Variants in XKR9 observed in about 807,000 individuals in gnomAD.
XKR9 encodes the protein XK-related protein 9.
Under a neutral mutation model 32.0 loss-of-function variants are expected in XKR9, and 32 were observed. That is an observed-to-expected ratio of 1.00 (90% CI 0.76 to 1.34). The LOEUF (loss-of-function observed/expected upper bound fraction) is 1.34, where lower values mean the gene tolerates loss of function less well. Among genes scored for constraint, XKR9 ranks in the 40% most tolerant of loss-of-function variants. XKR9 has a pLI of 0.00. For missense variants in XKR9, 546 were observed against 429.7 expected (o/e 1.27, Z -2.39); for synonymous variants, 168 against 143.4 (o/e 1.17, Z -1.22).
At chr8:70,690,428 C>T (rs1475491492) in intron 3 of XKR9, among the ~76,000 whole-genome samples, 3 of 151,814 alleles carry the variant, frequency 2.0e-5, no homozygotes, top group Non-Finnish European at 4.4e-5. Flanking sequence ...CTCCCAGGTT[C>T]GAGCAATTCT....
At chr8:70,986,551 A>G in the XKR9 span, among the ~76,000 whole-genome samples, 2 of 152,162 alleles carry the variant, frequency 1.3e-5, no homozygotes, top group African/African-American at 4.8e-5. Context: ...AGACTTCAAA[A>G]TAGGAGACAT....
intron 2 of XKR9, among the ~76,000 whole-genome samples, chr8:70,758,591 T>C (rs1281048192): frequency 6.6e-6 from 1 of 152,204 alleles, no homozygotes; most frequent in Non-Finnish European, 1.5e-5. Flanking sequence ...GAATCAGAGA[T>C]GCTCTGGAAG....
intron 4 of XKR9, among the ~76,000 whole-genome samples, chr8:70,733,456 T>G (rs1280297769): frequency 6.6e-6 from 1 of 152,082 alleles, no homozygotes; most frequent in Non-Finnish European, 1.5e-5. Context: ...GAGTATGCTT[T>G]TTTCAGTATA....
the XKR9 span, among the ~76,000 whole-genome samples, chr8:70,914,125 C>G: frequency 6.6e-6 from 1 of 152,126 alleles, no homozygotes; most frequent in Non-Finnish European, 1.5e-5. Context: ...AATGCAGTGG[C>G]ATGATCATAG....
At chr8:70,957,241 T>A in the XKR9 span, among the ~76,000 whole-genome samples, 4 of 152,212 alleles carry the variant, frequency 2.6e-5, no homozygotes, top group African/African-American at 9.6e-5. Context: ...GGAGAACAAA[T>A]CATAGAGGTG....
the XKR9 span, among the ~76,000 whole-genome samples, chr8:71,003,858 G>C: frequency 1.3e-5 from 2 of 152,178 alleles, no homozygotes; most frequent in Non-Finnish European, 2.9e-5. Flanking sequence ...GTCCTCAGGA[G>C]TATTTCCTAG....
At chr8:70,872,571 C>A in the XKR9 span, among the ~76,000 whole-genome samples, 2 of 152,178 alleles carry the variant, frequency 1.3e-5, no homozygotes, top group Non-Finnish European at 2.9e-5. Flanking sequence ...AAGATAGCTT[C>A]TAGGACTTTC....
chr8:70,795,513 G>A, the XKR9 span, among the ~76,000 whole-genome samples: 3 of 152,118 alleles, frequency 2.0e-5, no homozygotes, highest in African/African-American at 7.2e-5. Flanking sequence ...TGGAATTGCT[G>A]GATCACATGG....
chr8:70,844,187 A>T, the XKR9 span, among the ~76,000 whole-genome samples: 1 of 152,204 alleles, frequency 6.6e-6, no homozygotes, highest in Non-Finnish European at 1.5e-5. Flanking sequence ...CAGCAGTAGG[A>T]CAAGCTATGC....
chr8:70,806,663 T>A, the XKR9 span, among the ~76,000 whole-genome samples: 3 of 151,842 alleles, frequency 2.0e-5, no homozygotes, highest in African/African-American at 7.3e-5. Context: ...GAAGAAAGGA[T>A]ATCAGAGTTT....
chr8:70,835,894 TC>T, the XKR9 span, among the ~76,000 whole-genome samples: 1 of 152,086 alleles, frequency 6.6e-6, no homozygotes, highest in Non-Finnish European at 1.5e-5. Flanking sequence ...GCTAATATTT[TC>T]ATTTATTTTG....
the XKR9 span, among the ~76,000 whole-genome samples, chr8:70,993,490 C>T: frequency 1.3e-5 from 2 of 152,124 alleles, no homozygotes; most frequent in African/African-American, 4.8e-5. Context: ...TAGCCAGAGT[C>T]ATATTTAGCT....
At chr8:70,922,424 C>A in the XKR9 span, among the ~76,000 whole-genome samples, 1 of 152,098 alleles carries the variant, frequency 6.6e-6, no homozygotes, top group Non-Finnish European at 1.5e-5. Context: ...ATTTCCAATC[C>A]CCTTTTGGGG....
At chr8:70,971,588 G>T in the XKR9 span, among the ~76,000 whole-genome samples, 7 of 151,932 alleles carry the variant, frequency 4.6e-5, no homozygotes, top group Non-Finnish European at 7.4e-5. Context: ...AATCTTTATG[G>T]TTTCAGACTT....
chr8:70,988,791 TG>T, the XKR9 span, among the ~76,000 whole-genome samples: 2 of 152,230 alleles, frequency 1.3e-5, no homozygotes, highest in Non-Finnish European at 1.5e-5. Flanking sequence ...CTTACAATGC[TG>T]AATCTCTATA....
the XKR9 span, among the ~76,000 whole-genome samples, chr8:70,953,661 A>G: frequency 1.3e-5 from 2 of 152,180 alleles, no homozygotes; most frequent in Non-Finnish European, 2.9e-5. Context: ...ATCAGGAGAC[A>G]TAAGTAATAA....
At chr8:71,014,438 C>CAGAA in the XKR9 span, among the ~76,000 whole-genome samples, 1 of 152,268 alleles carries the variant, frequency 6.6e-6, no homozygotes, top group Admixed American at 6.5e-5. Flanking sequence ...CCTCTTCCAA[C>CAGAA]TTCTGCTGGG....
the XKR9 span, among the ~76,000 whole-genome samples, chr8:70,991,967 T>C: frequency 6.6e-6 from 1 of 152,256 alleles, no homozygotes; most frequent in Non-Finnish European, 1.5e-5. Flanking sequence ...ATTGTCTGCC[T>C]TGCATTTGCA....
At chr8:70,853,782 G>GT in the XKR9 span, among the ~76,000 whole-genome samples, 1 of 152,012 alleles carries the variant, frequency 6.6e-6, no homozygotes, top group African/African-American at 2.4e-5. Flanking sequence ...GCAGTGTTTG[G>GT]TTTTTTGTCC....
Sources: gnomAD v4.1 joint callset for allele counts (sites outside exome capture counted in the v4.1 genomes callset) on GRCh38, gnomAD v4.1.1 for gene constraint, MANE v1.5 for transcripts, NCBI Gene and HGNC (gene_info 2026-07-23, HGNC 2026-07-21) for gene names.